SERGEF: variants seen among roughly 807,000 people sequenced by gnomAD.
SERGEF encodes the protein secretion regulating guanine nucleotide exchange factor.
In SERGEF, 51 loss-of-function variants were observed where a neutral mutation model predicts 50.0. That is an observed-to-expected ratio of 1.02 (90% CI 0.81 to 1.29). The LOEUF (loss-of-function observed/expected upper bound fraction) is 1.29. Among genes scored for constraint, SERGEF ranks in the 50% most tolerant of loss-of-function variants. The pLI, the probability that SERGEF is intolerant of heterozygous loss-of-function variation, is 0.00. For synonymous variants in SERGEF, 205 were observed against 212.4 expected, an observed-to-expected ratio of 0.97 and a Z score of 0.30; for missense variants, 521 against 557.0, an observed-to-expected ratio of 0.94 and a Z score of 0.65.
At chr11:17,919,139 C>T (rs374668692) in intron 9 of SERGEF, among the ~76,000 whole-genome samples, 6 of 152,188 alleles carry the variant, frequency 3.9e-5, no homozygotes, top group African/African-American at 1.2e-4. Context: ...TATTTCAAGT[C>T]TGCTTCCTCC....
At chr11:17,997,879 T>G (rs944735674) in intron 5 of SERGEF, among the ~76,000 whole-genome samples, 1 of 152,026 alleles carries the variant, frequency 6.6e-6, no homozygotes, top group Non-Finnish European at 1.5e-5. Context: ...GCCAGTGGAA[T>G]GGGGAATGGG....
chr11:18,004,311 T>C, intron 4 of SERGEF, 130 bp downstream of exon 4: 1 of 593,378 alleles, frequency 1.7e-6, no homozygotes, highest in Admixed American at 3.5e-5. Flanking sequence ...GGACCTATTT[T>C]TCAACTCAAA....
At chr11:17,881,302 C>T (rs768126828) in intron 9 of SERGEF, among the ~76,000 whole-genome samples, 70 of 152,188 alleles carry the variant, frequency 4.6e-4, no homozygotes, top group Non-Finnish European at 9.3e-4. Flanking sequence ...CCAGGGGCTT[C>T]CAGAAACAAG....
intron 9 of SERGEF, among the ~76,000 whole-genome samples, chr11:17,919,776 T>C (rs1174095973): frequency 1.3e-5 from 2 of 152,118 alleles, no homozygotes; most frequent in Admixed American, 1.3e-4. Context: ...GATATCTGCA[T>C]GGCTAAGTCC....
chr11:17,802,865 G>A (rs947988461), intron 10 of SERGEF, among the ~76,000 whole-genome samples: 3 of 152,082 alleles, frequency 2.0e-5, no homozygotes, highest in East Asian at 1.9e-4. Flanking sequence ...TTCCCAGCAC[G>A]TAATACCCTA....
intron 9 of SERGEF, chr11:17,918,659 C>CAT: frequency 4.5e-6 from 2 of 444,746 alleles, no homozygotes; most frequent in South Asian, 3.2e-5. Flanking sequence ...CACATACACA[C>CAT]ACACTCTCTC....
intron 9 of SERGEF, among the ~76,000 whole-genome samples, chr11:17,946,828 C>T (rs904019987): frequency 4.6e-5 from 7 of 152,176 alleles, no homozygotes; most frequent in South Asian, 2.1e-4. Flanking sequence ...TTGTTTCTCT[C>T]CCTCCAGAAC....
intron 10 of SERGEF, among the ~76,000 whole-genome samples, chr11:17,803,331 C>T (rs1262752603): frequency 6.6e-6 from 1 of 152,222 alleles, no homozygotes; most frequent in Non-Finnish European, 1.5e-5. Flanking sequence ...CAAATGAGCA[C>T]CCATCCATCT....
chr11:17,928,667 G>A (rs773858054), intron 9 of SERGEF, among the ~76,000 whole-genome samples: 4 of 151,962 alleles, frequency 2.6e-5, no homozygotes, highest in Middle Eastern at 6.3e-3. Context: ...AAGATCATTC[G>A]CTTGGTTTCA....
chr11:17,950,937 G>A (rs1338992438), intron 9 of SERGEF, among the ~76,000 whole-genome samples: 1 of 152,128 alleles, frequency 6.6e-6, no homozygotes, highest in Non-Finnish European at 1.5e-5. Context: ...AATCAGTGCT[G>A]ATGAATTTCC....
chr11:18,012,969 C>A lies in SERGEF; in HGVS notation c.42G>T (p.Ala14=), dbSNP rs765423422. 2.0e-6 allele frequency: 3 copies of A among 1,476,494 alleles called. No homozygotes were observed. The highest frequency in any genetic ancestry group is 2.4e-5 in the Admixed American group (1 of 40,938). 91.5% of individuals were successfully genotyped at this position (1,476,494 alleles called of 1,614,324 possible). ...CACGTACCCAGGCGAAGAGCGCGGCCGCCGCGGGGGCGGCCTCCGAGGCGC... is the reference window on the plus strand; with the variant it reads ...CACGTACCCAGGCGAAGAGCGCGGCAGCCGCGGGGGCGGCCTCCGAGGCGC... ...EPSASEAAPA[A]AALFAWGANS... is the part of the protein sequence containing the mutation. The change falls in exon 1 of 11, where the codon GCG becomes GCT. Residue 14 remains alanine, a synonymous_variant. Transcript: ENST00000265965.
chr11:17,813,937 C>A (rs1032511509), intron 10 of SERGEF, among the ~76,000 whole-genome samples: 1 of 152,220 alleles, frequency 6.6e-6, no homozygotes, highest in Non-Finnish European at 1.5e-5. Flanking sequence ...TCAGCAGAAG[C>A]AGATCTGAGA....
At chr11:17,798,604 G>A (rs889482496) in intron 10 of SERGEF, among the ~76,000 whole-genome samples, 4 of 152,158 alleles carry the variant, frequency 2.6e-5, no homozygotes, top group Admixed American at 2.0e-4. Flanking sequence ...CTATGATGAC[G>A]GATTTAGAAC....
At chr11:17,944,645 C>G (rs150805667) in intron 9 of SERGEF, among the ~76,000 whole-genome samples, 38 of 152,192 alleles carry the variant, frequency 2.5e-4, no homozygotes, top group Non-Finnish European at 3.7e-4. Context: ...GAGGACTGGT[C>G]TGATAGAAAC....
intron 4 of SERGEF, 119 bp downstream of exon 4, chr11:18,004,322 T>C: frequency 1.6e-6 from 1 of 638,062 alleles, no homozygotes; most frequent in Non-Finnish European, 2.6e-6. Flanking sequence ...TCAACTCAAA[T>C]TCTCCTACTC....
intron 8 of SERGEF, among the ~76,000 whole-genome samples, chr11:17,965,391 G>A (rs990290256): frequency 1.3e-5 from 2 of 152,118 alleles, no homozygotes; most frequent in Non-Finnish European, 2.9e-5. Context: ...TTTCTTCACA[G>A]CAGCGTGAGA....
intron 8 of SERGEF, among the ~76,000 whole-genome samples, chr11:17,985,559 A>C (rs1351316680): frequency 2.0e-5 from 3 of 152,232 alleles, no homozygotes; most frequent in African/African-American, 7.2e-5. Context: ...GGGAACATTA[A>C]GCAGCTTGGG....
At chr11:17,984,898 C>A (rs1196333187) in intron 8 of SERGEF, among the ~76,000 whole-genome samples, 1 of 152,186 alleles carries the variant, frequency 6.6e-6, no homozygotes, top group Non-Finnish European at 1.5e-5. Flanking sequence ...ACACTGCTCT[C>A]ATGTAATTTA....
At chr11:17,905,180 T>G (rs999981932) in intron 9 of SERGEF, among the ~76,000 whole-genome samples, 7 of 152,176 alleles carry the variant, frequency 4.6e-5, no homozygotes, top group Admixed American at 2.6e-4. Flanking sequence ...GAAAATTTAT[T>G]AGGGAGATTG....
Sources: allele counts gnomAD v4.1 joint callset (sites outside exome capture counted in the v4.1 genomes callset), GRCh38; gene constraint gnomAD v4.1.1; transcripts MANE v1.5; gene names NCBI Gene and HGNC (gene_info 2026-07-23, HGNC 2026-07-21).